The following ANK3 variants were observed in gnomAD, a reference collection of about 807,000 sequenced individuals.
ANK3 encodes the protein ankyrin 3, also known as ankyrin-3.
Under a neutral mutation model 370.9 loss-of-function variants are expected in ANK3, and 57 were observed. The observed-to-expected ratio is 0.15, with a 90% CI of 0.12 to 0.19. ANK3 has a LOEUF of 0.19. Among genes scored for constraint, ANK3 ranks in the 10% least tolerant of loss-of-function variants. The probability of loss-of-function intolerance (pLI) is 1.00; values close to 1 mark genes in which losing one functional copy is unlikely to be tolerated. For synonymous variants in ANK3, 1,929 were observed against 1,946.3 expected (o/e 0.99, Z 0.23); for missense variants, 4,439 against 5,302.1 (o/e 0.84, Z 5.06).
chr10:60,053,704 A>C, intron 42 of ANK3: 1 of 1,304,080 alleles, frequency 7.7e-7, no homozygotes, highest in Non-Finnish European at 1.0e-6. Context: ...TCATCCGTGT[A>C]GGAGCCGCAC....
chr10:60,051,537 A>G, intron 42 of ANK3: 1 of 985,784 alleles, frequency 1.0e-6, no homozygotes, highest in South Asian at 4.7e-5. Flanking sequence ...TCTGAGCTTG[A>G]ATCACTCTCA....
chr10:60,713,293 T>A (rs140904362), intron 1 of ANK3, among the ~76,000 whole-genome samples: 130 of 151,944 alleles, frequency 8.6e-4, no homozygotes, highest in African/African-American at 2.9e-3. Context: ...TATAAACAAG[T>A]AATAGAAAGA....
chr10:60,444,737 T>C (rs1277191333), intron 2 of ANK3, among the ~76,000 whole-genome samples: 4 of 152,136 alleles, frequency 2.6e-5, no homozygotes, highest in Non-Finnish European at 5.9e-5. Flanking sequence ...AAAACATTCC[T>C]TTTTTCTTTA....
chr10:60,298,983 G>C (rs1343928812), intron 1 of ANK3, among the ~76,000 whole-genome samples: 1 of 152,122 alleles, frequency 6.6e-6, no homozygotes, highest in Non-Finnish European at 1.5e-5. Flanking sequence ...TGAAAGTTTT[G>C]GATGGGTAAG....
chr10:60,173,792 C>A (rs1449462256), intron 18 of ANK3, among the ~76,000 whole-genome samples: 2 of 152,196 alleles, frequency 1.3e-5, no homozygotes, highest in Non-Finnish European at 2.9e-5. Flanking sequence ...CACTGATTCA[C>A]TGATTTAGAC....
chr10:60,621,581 C>CA lies in ANK3; in HGVS notation c.58-6358dup, dbSNP rs578185428. 2.0e-3 allele frequency among the ~76,000 whole-genome samples: 297 copies of CA among 152,268 alleles called. 1 individual carries two copies. The highest frequency in any genetic ancestry group is 7.0e-3 in the African/African-American group (289 of 41,564). On this transcript the variant is annotated intron_variant, in intron 1 of 43. Coordinates refer to the ANK3 transcript ENST00000373827. ...CAGGTTTGAGGAGCATAATATCAAC[C>CA]AATTTGTTGAGAAAAGTCATCATCC...
intron 1 of ANK3, among the ~76,000 whole-genome samples, chr10:60,280,254 C>A (rs1174014909): frequency 6.6e-6 from 1 of 152,050 alleles, no homozygotes; most frequent in East Asian, 1.9e-4. Flanking sequence ...GAGACGGGGT[C>A]TCACTATGTT....
chr10:60,299,130 C>T (rs1265661717), intron 1 of ANK3, among the ~76,000 whole-genome samples: 1 of 152,108 alleles, frequency 6.6e-6, no homozygotes, highest in South Asian at 2.1e-4. Context: ...AAAGATTACC[C>T]TTAAAAACTC....
rs768167956 is a variant in ANK3 at position 60,055,869 on chromosome 10, G to C, written c.12854C>G (p.Pro4285Arg). 1.2e-6 allele frequency: 2 copies of C among 1,614,036 alleles called. No homozygotes were observed. Among genetic ancestry groups the C allele is most frequent in the South Asian group, 1.1e-5 (1 of 91,070 alleles). Residue 4285 changes from proline (P) to arginine (R), a missense_variant, in exon 42 of 44, where the codon CCA becomes CGA. Around this residue, in one of 13 missense-constraint regions of ANK3, gnomAD observed 242 missense variants for 228.0 expected, o/e 1.06. Coordinates refer to ENST00000280772, the MANE Select transcript of ANK3 (RefSeq NM_020987.5). ...AACATGACCAGATCCATGTATTTTT[G>C]GTTTCAGAGTTTCCTTGGTACTCTG... Reference protein sequence around the residue: ...GKQSTKETLKPKIHGSGHVEE... With the variant: ...GKQSTKETLKRKIHGSGHVEE...
At chr10:60,313,299 T>C (rs1285947421) in intron 1 of ANK3, among the ~76,000 whole-genome samples, 7 of 152,200 alleles carry the variant, frequency 4.6e-5, no homozygotes, top group Non-Finnish European at 1.0e-4. Flanking sequence ...CTGAGTAATA[T>C]ATGAGTCACG....
intron 2 of ANK3, among the ~76,000 whole-genome samples, chr10:60,613,227 A>G (rs1050730158): frequency 6.6e-6 from 1 of 152,194 alleles, no homozygotes; most frequent in Admixed American, 6.5e-5. Context: ...CTTTTGAGTA[A>G]CCACAGAATC....
intron 2 of ANK3, among the ~76,000 whole-genome samples, chr10:60,527,977 G>A (rs2076513369): frequency 6.6e-6 from 1 of 152,068 alleles, no homozygotes; most frequent in South Asian, 2.1e-4. Flanking sequence ...ACTGATGGCT[G>A]TCACATCAAC....
At chr10:60,130,652 T>G (rs2094011586) in intron 25 of ANK3, among the ~76,000 whole-genome samples, 1 of 152,196 alleles carries the variant, frequency 6.6e-6, no homozygotes, top group Non-Finnish European at 1.5e-5. Context: ...TTTTGTCATT[T>G]AATCCTAAAG....
chr10:60,215,309 G>T (rs1485047254), intron 8 of ANK3, among the ~76,000 whole-genome samples: 1 of 151,992 alleles, frequency 6.6e-6, no homozygotes, highest in Non-Finnish European at 1.5e-5. Context: ...CCTGTAGGTT[G>T]CCTGTTCACT....
intron 2 of ANK3, among the ~76,000 whole-genome samples, chr10:60,552,742 G>A (rs1938523): frequency 0.58 from 87,689 of 151,758 alleles, 25,797 homozygotes; most frequent in East Asian, 0.76. Flanking sequence ...TGGTTGATAC[G>A]GCTTGGCTAT....
At chr10:60,726,878 A>C (rs1252965685) in intron 1 of ANK3, among the ~76,000 whole-genome samples, 2 of 152,118 alleles carry the variant, frequency 1.3e-5, no homozygotes, top group Non-Finnish European at 2.9e-5. Flanking sequence ...GTAAAGTCTT[A>C]TTTAACATCA....
chr10:60,284,266 TA>T (rs1459509026), intron 1 of ANK3, among the ~76,000 whole-genome samples: 1 of 152,152 alleles, frequency 6.6e-6, no homozygotes, highest in African/African-American at 2.4e-5. Context: ...ATTCTACTGA[TA>T]CCTTGATTTT....
chr10:60,198,596 G>C, intron 13 of ANK3, 59 bp from the exon 14 acceptor site: 1 of 1,503,512 alleles, frequency 6.7e-7, no homozygotes, highest in South Asian at 1.1e-5. Context: ...GTGCCTTTAT[G>C]AAAAATTCAG....
chr10:60,445,386 T>G (rs1313932580), intron 2 of ANK3, among the ~76,000 whole-genome samples: 1 of 151,910 alleles, frequency 6.6e-6, no homozygotes, highest in Non-Finnish European at 1.5e-5. Flanking sequence ...CAAGACCCTG[T>G]GCCAAAAAAC....
Sources: allele counts gnomAD v4.1 joint callset (sites outside exome capture counted in the v4.1 genomes callset), GRCh38; gene constraint gnomAD v4.1.1; regional missense constraint gnomAD v4.1.1; transcripts MANE v1.5; gene names NCBI Gene and HGNC (gene_info 2026-07-23, HGNC 2026-07-21).